The following TRPM3 variants were observed in gnomAD, a reference collection of about 807,000 sequenced individuals.
TRPM3 encodes the protein long transient receptor potential channel 3.
TRPM3 carries 77 observed loss-of-function variants against 181.2 expected under a neutral mutation model. That is an observed-to-expected ratio of 0.42 (90% CI 0.35 to 0.51). The LOEUF (loss-of-function observed/expected upper bound fraction) is 0.51. TRPM3 is among the 20% of genes least tolerant of loss of function. The pLI is 0.01. For missense variants in TRPM3, 1,759 were observed against 2,196.7 expected (o/e 0.80, Z 3.98); for synonymous variants, 745 against 796.4 (o/e 0.94, Z 1.09).
chr9:70,638,991 A>G (rs747246292), intron 11 of TRPM3, 69 bp downstream of exon 11: 244 of 1,548,188 alleles, frequency 1.6e-4, no homozygotes, highest in Non-Finnish European at 2.1e-4. Flanking sequence ...TCACAGGCAT[A>G]TGGGGGGCAG....
At chr9:71,372,171 T>C (rs1018189014) in intron 1 of TRPM3, among the ~76,000 whole-genome samples, 1 of 152,228 alleles carries the variant, frequency 6.6e-6, no homozygotes, top group Non-Finnish European at 1.5e-5. Flanking sequence ...TCCTTTTTTA[T>C]GGCTGCACAG....
At chr9:71,212,254 C>T (rs2079553552) in intron 1 of TRPM3, among the ~76,000 whole-genome samples, 1 of 152,288 alleles carries the variant, frequency 6.6e-6, no homozygotes, top group East Asian at 1.9e-4. Flanking sequence ...ATAGCTGGGA[C>T]TATAAGTGTG....
At chr9:70,784,321 A>G (rs1243520316) in intron 6 of TRPM3, 42 bp from the exon 7 acceptor site, 1 of 1,528,570 alleles carries the variant, frequency 6.5e-7, no homozygotes, top group Non-Finnish European at 8.8e-7. Context: ...AAGAGAAAAG[A>G]ACACAAAGCC....
intron 1 of TRPM3, among the ~76,000 whole-genome samples, chr9:71,329,671 C>T (rs984631101): frequency 9.2e-5 from 14 of 152,162 alleles, no homozygotes; most frequent in East Asian, 1.9e-4. Context: ...AAATATCTTG[C>T]ATCAAGCTAT....
Position 70,533,118 on chromosome 9 carries a change from G to A in TRPM3, c.*2835C>T, listed in dbSNP as rs1248561213. The A allele has an allele frequency of 6.6e-6, 1 of 152,172 alleles. No homozygotes were observed. Among genetic ancestry groups the A allele is most frequent in the Non-Finnish European group, 1.5e-5 (1 of 68,024 alleles). The allele number at this position is 152,172 out of a possible 1,614,324, so 9.4% of individuals were successfully genotyped here. A position where few individuals can be genotyped will look rare whatever the true frequency, so the allele number is the denominator to read the frequency against. On this transcript the variant is annotated 3_prime_UTR_variant, in exon 26 of 26. Transcript: ENST00000677713. ...AGGTAATTGCAAGATCAGGACTGTT[G>A]AGTATTTCGTTTCCCAGTTCCTATC... is the stretch of plus-strand genomic sequence containing the variant.
chr9:70,917,617 G>A, intron 1 of TRPM3: 1 of 441,436 alleles, frequency 2.3e-6, no homozygotes, highest in East Asian at 2.9e-5. Context: ...AAGTCTTATG[G>A]TAGCCTCAAA....
chr9:70,672,899 G>T (rs940635585), intron 9 of TRPM3, among the ~76,000 whole-genome samples: 2 of 152,038 alleles, frequency 1.3e-5, no homozygotes, highest in Admixed American at 6.6e-5. Context: ...TAAGTGTGCC[G>T]AGAATTTTAG....
At chr9:71,303,758 C>T (rs959016411) in intron 1 of TRPM3, among the ~76,000 whole-genome samples, 1 of 151,920 alleles carries the variant, frequency 6.6e-6, no homozygotes. Flanking sequence ...TTATCAAGAC[C>T]TCAGGAGAAA....
intron 1 of TRPM3, among the ~76,000 whole-genome samples, chr9:70,964,962 C>T (rs892005399): frequency 2.6e-5 from 4 of 151,936 alleles, no homozygotes; most frequent in African/African-American, 9.7e-5. Context: ...TAATTTAGTA[C>T]AGTAAGCCAG....
intron 1 of TRPM3, among the ~76,000 whole-genome samples, chr9:71,260,398 G>GT (rs927542158): frequency 5.3e-5 from 8 of 152,100 alleles, no homozygotes; most frequent in South Asian, 4.1e-4. Flanking sequence ...ATTTAAAGTA[G>GT]TTTTTTCTAA....
chr9:71,252,225 T>C (rs990820095), intron 1 of TRPM3, among the ~76,000 whole-genome samples: 1 of 152,038 alleles, frequency 6.6e-6, no homozygotes, highest in Non-Finnish European at 1.5e-5. Context: ...TTTTTTTAGG[T>C]TCTCTAATTA....
intron 1 of TRPM3, among the ~76,000 whole-genome samples, chr9:71,034,865 A>G (rs756026238): frequency 1.3e-5 from 2 of 152,018 alleles, no homozygotes; most frequent in Non-Finnish European, 2.9e-5. Context: ...ATATATGTAT[A>G]TATGTATACA....
chr9:70,776,554 T>C (rs898042896), intron 7 of TRPM3: 6 of 650,206 alleles, frequency 9.2e-6, no homozygotes, highest in Non-Finnish European at 1.4e-5. Context: ...AAAAACTCCA[T>C]GTAAATAAAA....
intron 1 of TRPM3, among the ~76,000 whole-genome samples, chr9:71,350,417 T>C (rs1465735245): frequency 6.6e-6 from 1 of 152,220 alleles, no homozygotes; most frequent in African/African-American, 2.4e-5. Flanking sequence ...ATGCAGATTC[T>C]AAACTGCAAA....
chr9:70,873,476 T>C (rs962886178), intron 1 of TRPM3, among the ~76,000 whole-genome samples: 2 of 151,984 alleles, frequency 1.3e-5, no homozygotes, highest in Non-Finnish European at 2.9e-5. Context: ...TCTGTACAAA[T>C]CTTCGTACAC....
At chr9:71,328,768 C>A (rs2089905197) in intron 1 of TRPM3, among the ~76,000 whole-genome samples, 3 of 152,176 alleles carry the variant, frequency 2.0e-5, no homozygotes, top group Admixed American at 6.5e-5. Context: ...TACAAAAGCT[C>A]CTTCAACTGC....
At chr9:71,016,562 T>A (rs1590670788) in intron 1 of TRPM3, among the ~76,000 whole-genome samples, 1 of 152,170 alleles carries the variant, frequency 6.6e-6, no homozygotes, top group East Asian at 1.9e-4. Context: ...ATCTTCGAGA[T>A]CCATCCATGT....
intron 20 of TRPM3, among the ~76,000 whole-genome samples, chr9:70,602,334 C>A (rs1256920930): frequency 6.6e-5 from 10 of 152,062 alleles, no homozygotes; most frequent in Admixed American, 5.2e-4. Flanking sequence ...GAGCTGAAAC[C>A]CTTGCCTTTT....
chr9:70,739,091 C>G (rs2073418785), intron 8 of TRPM3, among the ~76,000 whole-genome samples: 3 of 151,968 alleles, frequency 2.0e-5, no homozygotes, highest in Non-Finnish European at 4.4e-5. Context: ...GATATTATTT[C>G]AAAAGATAAA....
Sources: gnomAD v4.1 joint callset for allele counts (sites outside exome capture counted in the v4.1 genomes callset) on GRCh38, gnomAD v4.1.1 for gene constraint, MANE v1.5 for transcripts, NCBI Gene and HGNC (gene_info 2026-07-23, HGNC 2026-07-21) for gene names.